AKAP6: variants seen among roughly 807,000 people sequenced by gnomAD.
The protein encoded by AKAP6 is A-kinase anchoring protein 6.
In AKAP6, 58 loss-of-function variants were observed where a neutral mutation model predicts 188.5. That is an observed-to-expected ratio of 0.31 (90% CI 0.25 to 0.38). The LOEUF (loss-of-function observed/expected upper bound fraction) is 0.38. Ranked by LOEUF, AKAP6 falls within the 10% of genes least tolerant of loss-of-function variation. AKAP6 has a pLI of 1.00. For synonymous variants in AKAP6, 989 were observed against 998.6 expected (o/e 0.99, Z 0.18); for missense variants, 2,710 against 2,740.0 (o/e 0.99, Z 0.24).
intron 9 of AKAP6, among the ~76,000 whole-genome samples, chr14:32,721,815 T>G (rs1425817545): frequency 6.6e-6 from 1 of 152,188 alleles, no homozygotes; most frequent in East Asian, 1.9e-4. Context: ...TTATGGCTGA[T>G]CTTATGAATG....
At chr14:32,437,341 C>T (rs955727179) in intron 2 of AKAP6, among the ~76,000 whole-genome samples, 1 of 152,164 alleles carries the variant, frequency 6.6e-6, no homozygotes, top group Admixed American at 6.5e-5. Context: ...CTACTCATTA[C>T]CTAACTTGTC....
chr14:32,393,316 A>G (rs2138589909), intron 1 of AKAP6, among the ~76,000 whole-genome samples: 1 of 152,296 alleles, frequency 6.6e-6, no homozygotes, highest in East Asian at 1.9e-4. Flanking sequence ...CAAAGATCAA[A>G]CAAACCCAAA....
At chr14:32,653,632 T>TCAAG (rs1888322693) in intron 7 of AKAP6, among the ~76,000 whole-genome samples, 2 of 135,490 alleles carry the variant, frequency 1.5e-5, no homozygotes, top group Non-Finnish European at 3.3e-5. Flanking sequence ...TTACCCAGTC[T>TCAAG]TAAGTATTTA....
chr14:32,604,417 G>A (rs2139363013), intron 7 of AKAP6, among the ~76,000 whole-genome samples: 1 of 152,206 alleles, frequency 6.6e-6, no homozygotes, highest in South Asian at 2.1e-4. Context: ...CATACTCAAG[G>A]ATGAATGTGA....
At chr14:32,468,207 G>A (rs1878568340) in intron 2 of AKAP6, among the ~76,000 whole-genome samples, 1 of 152,144 alleles carries the variant, frequency 6.6e-6, no homozygotes, top group Admixed American at 6.6e-5. Context: ...CTGGCACCTT[G>A]AACACAGTAG....
intron 2 of AKAP6, among the ~76,000 whole-genome samples, chr14:32,489,943 G>T (rs1472124400): frequency 6.6e-6 from 1 of 152,234 alleles, no homozygotes; most frequent in Non-Finnish European, 1.5e-5. Context: ...GTCAGCAAAA[G>T]GGTGGTGGGA....
At chr14:32,436,154 C>T (rs773474975) in intron 2 of AKAP6, among the ~76,000 whole-genome samples, 26 of 152,140 alleles carry the variant, frequency 1.7e-4, no homozygotes, top group Admixed American at 9.8e-4. Context: ...TAACTTGGCT[C>T]CTACTACCTT....
At chr14:32,361,071 T>TATATATATATATATATATGTATATATA (rs1213844124) in intron 1 of AKAP6, among the ~76,000 whole-genome samples, 1 of 149,088 alleles carries the variant, frequency 6.7e-6, no homozygotes, top group Non-Finnish European at 1.5e-5. Context: ...TATATATATA[T>TATATATATATATATATATGTATATATA]TTGAGAAGCT....
chr14:32,599,609 TTAA>T lies in AKAP6; in HGVS notation c.2566+106_2566+108del, dbSNP rs1885840573. 5.0e-6 allele frequency: 4 copies of T among 800,146 alleles called. No individual in the cohort carries two copies. In the East Asian group the frequency reaches 8.3e-5, roughly 17 times the overall value. The allele number at this position is 800,146 out of a possible 1,614,324, so 49.6% of individuals were successfully genotyped here. A position where few individuals can be genotyped will look rare whatever the true frequency, so the allele number is the denominator to read the frequency against. ...CATATATTCACTTCCTTATGTATTA[TTAA>T]TATTTACATTATCAGATTGACCTTC... On this transcript the variant is annotated intron_variant, in intron 6 of 13. Coordinates refer to ENST00000280979, the MANE Select transcript of AKAP6 (RefSeq NM_004274.5).
intron 2 of AKAP6, among the ~76,000 whole-genome samples, chr14:32,452,188 T>A (rs576830556): frequency 2.5e-4 from 38 of 152,004 alleles, no homozygotes; most frequent in Admixed American, 6.5e-4. Flanking sequence ...CAGGTCACCA[T>A]GCTTGGCTAA....
intron 3 of AKAP6, among the ~76,000 whole-genome samples, chr14:32,542,236 T>C (rs1008495153): frequency 6.6e-6 from 1 of 152,184 alleles, no homozygotes; most frequent in Non-Finnish European, 1.5e-5. Context: ...CTTTTAATTA[T>C]TGGAGTTAAC....
chr14:32,435,137 A>G (rs1338912498), intron 2 of AKAP6, among the ~76,000 whole-genome samples: 1 of 152,116 alleles, frequency 6.6e-6, no homozygotes, highest in Admixed American at 6.6e-5. Context: ...GTTAAAGTGA[A>G]ATAGAAATTT....
intron 1 of AKAP6, chr14:32,433,231 G>A (rs369989256): frequency 1.8e-5 from 7 of 395,420 alleles, no homozygotes; most frequent in Non-Finnish European, 2.3e-5. Flanking sequence ...TGGGGGCGGT[G>A]GGGGGAGAGT....
intron 11 of AKAP6, among the ~76,000 whole-genome samples, chr14:32,764,848 A>C (rs1285066929): frequency 6.6e-6 from 1 of 152,184 alleles, no homozygotes; most frequent in Non-Finnish European, 1.5e-5. Context: ...TAGTGAAAAT[A>C]ACCAAGAAAA....
In AKAP6 at chr14:32,459,659, A is replaced by C. The variant is rs192878811; in HGVS notation, c.324+25842A>C. ...AAGGAAAAAAAAAAAAAGAAGAAAA[A>C]ATTCAGTGGTCATCCAGTCTTAACA... On this transcript the variant is annotated intron_variant, in intron 2 of 13. Transcript: ENST00000280979. 7.8e-3 allele frequency among the ~76,000 whole-genome samples: 1,183 copies of C among 151,904 alleles called. 6 individuals carry two copies. Among genetic ancestry groups the C allele is most frequent in the Non-Finnish European group, 0.014 (937 of 67,930 alleles).
At chr14:32,397,695 T>C (rs1421570339) in intron 1 of AKAP6, among the ~76,000 whole-genome samples, 1 of 152,206 alleles carries the variant, frequency 6.6e-6, no homozygotes, top group African/African-American at 2.4e-5. Context: ...TAATTCTTGG[T>C]TAACTCACTG....
intron 7 of AKAP6, among the ~76,000 whole-genome samples, chr14:32,650,585 TG>T (rs1455785315): frequency 6.6e-6 from 1 of 152,022 alleles, no homozygotes; most frequent in African/African-American, 2.4e-5. Context: ...TACTCCAGCG[TG>T]GGCAACAGAG....
At chr14:32,715,816 T>C (rs2030165508) in intron 9 of AKAP6, among the ~76,000 whole-genome samples, 1 of 151,896 alleles carries the variant, frequency 6.6e-6, no homozygotes, top group African/African-American at 2.4e-5. Context: ...ATGTTTCATA[T>C]AGTGAAGAGA....
intron 1 of AKAP6, among the ~76,000 whole-genome samples, chr14:32,429,212 A>G (rs2138692193): frequency 6.6e-6 from 1 of 152,334 alleles, no homozygotes; most frequent in East Asian, 1.9e-4. Context: ...CTTTTAAAAA[A>G]ATGTCTCTGT....
Sources: gnomAD v4.1 joint callset for allele counts (sites outside exome capture counted in the v4.1 genomes callset) on GRCh38, gnomAD v4.1.1 for gene constraint, MANE v1.5 for transcripts, NCBI Gene and HGNC (gene_info 2026-07-23, HGNC 2026-07-21) for gene names.